Variants in SMG7 observed in about 807,000 individuals in gnomAD.
SMG7 encodes the protein SMG7 nonsense mediated mRNA decay factor, also known as nonsense-mediated mRNA decay factor SMG7.
SMG7 carries 34 observed loss-of-function variants against 148.2 expected under a neutral mutation model. The ratio of observed to expected loss-of-function variants is 0.23; its 90% CI spans 0.17 to 0.31. SMG7 has a LOEUF of 0.31. Ranked by LOEUF, SMG7 falls within the 10% of genes least tolerant of loss-of-function variation. SMG7 has a pLI of 1.00. For synonymous variants in SMG7, 492 were observed against 515.1 expected (o/e 0.96, Z 0.61); for missense variants, 1,114 against 1,408.4 (o/e 0.79, Z 3.35).
At chr1:183,491,843 G>A (rs1657115376) in intron 1 of SMG7, among the ~76,000 whole-genome samples, 1 of 152,186 alleles carries the variant, frequency 6.6e-6, no homozygotes, top group African/African-American at 2.4e-5. Context: ...GTTCGGTGCT[G>A]GCAAGAGCCC....
intron 4 of SMG7, among the ~76,000 whole-genome samples, chr1:183,525,208 G>T (rs1361901010): frequency 6.6e-6 from 1 of 152,180 alleles, no homozygotes; most frequent in African/African-American, 2.4e-5. Flanking sequence ...GACTGAAAAG[G>T]AGTGATTGGA....
At chr1:183,549,155 A>G (rs1670503430) in intron 18 of SMG7, 53 bp from the exon 19 acceptor site, 1 of 1,334,318 alleles carries the variant, frequency 7.5e-7, no homozygotes, top group Non-Finnish European at 1.1e-6. Flanking sequence ...TAAGATTAAT[A>G]TTAAGAAAAT....
intron 11 of SMG7, 47 bp downstream of exon 11, chr1:183,537,262 T>C: frequency 7.5e-7 from 1 of 1,338,438 alleles, no homozygotes; most frequent in Non-Finnish European, 1.1e-6. Flanking sequence ...TCTCCATCAT[T>C]AATGGTGGCT....
chr1:183,474,870 A>C (rs1402889773), intron 1 of SMG7, among the ~76,000 whole-genome samples: 1 of 152,242 alleles, frequency 6.6e-6, no homozygotes, highest in Admixed American at 6.5e-5. Context: ...TGGATTGAGA[A>C]GCGGGGAATT....
At chr1:183,474,848 T>C (rs189088603) in intron 1 of SMG7, among the ~76,000 whole-genome samples, 21 of 152,324 alleles carry the variant, frequency 1.4e-4, no homozygotes, top group African/African-American at 5.1e-4. Flanking sequence ...TTAATGTTCA[T>C]TTTGACAGAT....
chr1:183,481,566 T>C (rs1454920862), intron 1 of SMG7, among the ~76,000 whole-genome samples: 1 of 152,228 alleles, frequency 6.6e-6, no homozygotes, highest in Non-Finnish European at 1.5e-5. Context: ...GCTTTTGTTT[T>C]GTTTTTGCAA....
rs752650779 is a variant in SMG7, at chr1:183,526,675, A to G, written c.392A>G (p.Asn131Ser). ...VKSSQLGIISNKQTHTSAIVK... is the reference protein window; with the variant it reads ...VKSSQLGIISSKQTHTSAIVK... ...TCTTCCCAATTGGGAATTATCAGCAATAAACAGACGCATACCAGCGCCATA... is the reference window on the plus strand; with the variant it reads ...TCTTCCCAATTGGGAATTATCAGCAGTAAACAGACGCATACCAGCGCCATA... Residue 131 changes from asparagine to serine, a missense_variant, in exon 5 of 23, where the codon AAT (asparagine) becomes AGT (serine). Physicochemically the swap from Asn to Ser is conservative, Grantham distance 46. This residue lies in a region of SMG7 where 216 missense variants were observed against 329.1 expected (regional missense o/e 0.66). Transcript: ENST00000688051. 4 of 1,613,600 alleles carry G rather than the reference A, an allele frequency of 2.5e-6. No homozygotes were observed. The highest frequency in any genetic ancestry group is 2.2e-5 in the East Asian group (1 of 44,886).
At chr1:183,519,056 G>C (rs1254467790) in intron 4 of SMG7, among the ~76,000 whole-genome samples, 6 of 152,096 alleles carry the variant, frequency 3.9e-5, no homozygotes, top group African/African-American at 1.4e-4. Context: ...AGCAGGTTGT[G>C]GTGCTACCTG....
intron 12 of SMG7, among the ~76,000 whole-genome samples, chr1:183,539,716 GA>G (rs1668458342): frequency 6.6e-6 from 1 of 152,160 alleles, no homozygotes; most frequent in Non-Finnish European, 1.5e-5. Context: ...CTAGAAATCT[GA>G]AAAACCCTTG....
intron 11 of SMG7, among the ~76,000 whole-genome samples, chr1:183,537,906 T>C (rs1410018183): frequency 6.6e-6 from 1 of 152,198 alleles, no homozygotes; most frequent in Non-Finnish European, 1.5e-5. Flanking sequence ...TTTTTTTTCC[T>C]CTTAAATCCA....
At chr1:183,484,470 A>T (rs942342509) in intron 1 of SMG7, among the ~76,000 whole-genome samples, 2 of 148,018 alleles carry the variant, frequency 1.4e-5, no homozygotes, top group Admixed American at 1.4e-4. Context: ...CTTTTTTGTT[A>T]CCTGTGCTGT....
At chr1:183,513,369 C>CTTTTTTTTTTTTTTTTTTT in intron 2 of SMG7, 1 of 122,716 alleles carries the variant, frequency 8.1e-6, no homozygotes, top group Non-Finnish European at 1.7e-5. Flanking sequence ...ATCTTTGTTA[C>CTTTTTTTTTTTTTTTTTTT]TTTTTTTTTT....
intron 1 of SMG7, among the ~76,000 whole-genome samples, chr1:183,503,121 T>C (rs1660103882): frequency 6.6e-6 from 1 of 152,244 alleles, no homozygotes; most frequent in African/African-American, 2.4e-5. Context: ...GGGCAAGTTA[T>C]TTAACCACTC....
chr1:183,542,690 GA>G (rs1215096295), intron 14 of SMG7, among the ~76,000 whole-genome samples, 188 bp downstream of exon 14: 2 of 150,992 alleles, frequency 1.3e-5, no homozygotes, highest in African/African-American at 2.4e-5. Context: ...AATTGTGAGT[GA>G]AAAAAAAATC....
chr1:183,530,694 A>C (rs1406623846), intron 8 of SMG7, among the ~76,000 whole-genome samples: 3 of 152,152 alleles, frequency 2.0e-5, no homozygotes, highest in Admixed American at 6.6e-5. Flanking sequence ...TAGGGGGCTG[A>C]CCGTGGGATG....
chr1:183,532,069 C>T (rs1464471905), intron 8 of SMG7, among the ~76,000 whole-genome samples: 1 of 152,142 alleles, frequency 6.6e-6, no homozygotes, highest in South Asian at 2.1e-4. Context: ...ATTATATTCT[C>T]TAATGATAAT....
intron 9 of SMG7, 77 bp from the exon 10 acceptor site, chr1:183,533,599 G>A: frequency 8.1e-7 from 1 of 1,230,144 alleles, no homozygotes; most frequent in East Asian, 2.4e-5. Flanking sequence ...GAATATAGTA[G>A]AAGGCACATA....
chr1:183,523,086 T>C (rs1665119972), intron 4 of SMG7, among the ~76,000 whole-genome samples: 1 of 152,216 alleles, frequency 6.6e-6, no homozygotes, highest in African/African-American at 2.4e-5. Context: ...CATTCTGCTG[T>C]AGGTTGTTTT....
At chr1:183,518,390 G>A (rs927430537) in intron 4 of SMG7, among the ~76,000 whole-genome samples, 15 of 152,222 alleles carry the variant, frequency 9.9e-5, no homozygotes, top group African/African-American at 3.4e-4. Context: ...TAGTGAAACA[G>A]TGGAAGTAGT....
Sources: allele counts gnomAD v4.1 joint callset (sites outside exome capture counted in the v4.1 genomes callset), GRCh38; gene constraint gnomAD v4.1.1; regional missense constraint gnomAD v4.1.1; transcripts MANE v1.5; gene names NCBI Gene and HGNC (gene_info 2026-07-23, HGNC 2026-07-21).